RGS7: variants seen among roughly 807,000 people sequenced by gnomAD.
RGS7 encodes regulator of G-protein signaling 7.
In RGS7, 27 loss-of-function variants were observed where a neutral mutation model predicts 81.1. That is an observed-to-expected ratio of 0.33 (90% CI 0.25 to 0.46). The LOEUF (loss-of-function observed/expected upper bound fraction) is 0.46. Ranked by LOEUF, RGS7 falls within the 20% of genes least tolerant of loss-of-function variation. The pLI is 1.00. For synonymous variants in RGS7, 208 were observed against 207.7 expected (o/e 1.00, Z -0.01); for missense variants, 396 against 607.4 (o/e 0.65, Z 3.66).
intron 6 of RGS7, chr1:240,920,427 T>C (rs1273605929): frequency 3.1e-6 from 4 of 1,294,168 alleles, no homozygotes; most frequent in Non-Finnish European, 4.4e-6. Flanking sequence ...TGGTGGAAGC[T>C]ACAATGATTT....
At chr1:241,040,932 T>C (rs1171264523) in intron 3 of RGS7, among the ~76,000 whole-genome samples, 4 of 152,190 alleles carry the variant, frequency 2.6e-5, no homozygotes, top group African/African-American at 9.7e-5. Context: ...CACGTGCAAC[T>C]CCCTCTCATG....
At chr1:240,906,409 A>G (rs536929795) in intron 6 of RGS7, among the ~76,000 whole-genome samples, 1 of 152,270 alleles carries the variant, frequency 6.6e-6, no homozygotes, top group South Asian at 2.1e-4. Flanking sequence ...AGAGTGTTTC[A>G]TCTCGTGGTA....
intron 6 of RGS7, among the ~76,000 whole-genome samples, chr1:240,871,133 C>T (rs1338938399): frequency 6.6e-6 from 1 of 152,154 alleles, no homozygotes; most frequent in Non-Finnish European, 1.5e-5. Flanking sequence ...CTGGTAGAGT[C>T]CCAATTGCCA....
At chr1:240,792,061 A>T (rs1042751924) in intron 18 of RGS7, among the ~76,000 whole-genome samples, 1 of 152,138 alleles carries the variant, frequency 6.6e-6, no homozygotes, top group Non-Finnish European at 1.5e-5. Context: ...ATTTTGTACC[A>T]TAATATGAGA....
chr1:240,854,074 T>A (rs190801310), intron 9 of RGS7, among the ~76,000 whole-genome samples: 3 of 152,220 alleles, frequency 2.0e-5, no homozygotes, highest in Non-Finnish European at 4.4e-5. Context: ...CATATACATT[T>A]TTGAGGCTGA....
intron 2 of RGS7, among the ~76,000 whole-genome samples, chr1:241,238,950 G>A (rs1303605008): frequency 7.0e-6 from 1 of 142,998 alleles, no homozygotes; most frequent in Admixed American, 7.2e-5. Context: ...TCTCCAAATA[G>A]CTATTGCCTC....
chr1:241,045,723 A>G (rs2060890333), intron 3 of RGS7, among the ~76,000 whole-genome samples: 1 of 152,174 alleles, frequency 6.6e-6, no homozygotes, highest in East Asian at 1.9e-4. Flanking sequence ...TTGCCCAAAC[A>G]TAAAATGGGT....
intron 3 of RGS7, among the ~76,000 whole-genome samples, chr1:241,047,733 C>CA (rs2061009793): frequency 3.4e-5 from 3 of 89,516 alleles, no homozygotes; most frequent in Non-Finnish European, 6.2e-5. Context: ...GTTTACAATC[C>CA]TTTTTTTTTT....
At chr1:240,807,623 G>A (rs915706870) in intron 14 of RGS7, among the ~76,000 whole-genome samples, 1 of 152,110 alleles carries the variant, frequency 6.6e-6, no homozygotes, top group East Asian at 1.9e-4. Flanking sequence ...ATGTAGCAGA[G>A]GATAATCTAA....
chr1:241,109,624 G>C (rs567989493), intron 2 of RGS7, among the ~76,000 whole-genome samples: 1 of 151,960 alleles, frequency 6.6e-6, no homozygotes, highest in Non-Finnish European at 1.5e-5. Context: ...CCAACAGGAC[G>C]TATTACTTTT....
chr1:241,071,574 C>T (rs746278150), intron 3 of RGS7, among the ~76,000 whole-genome samples: 1 of 150,194 alleles, frequency 6.7e-6, no homozygotes, highest in Non-Finnish European at 1.5e-5. Context: ...AGTCACTTTA[C>T]TGTAAAATGA....
chr1:240,838,233 T>G (rs1002660807), intron 9 of RGS7, among the ~76,000 whole-genome samples: 6 of 152,198 alleles, frequency 3.9e-5, no homozygotes, highest in Middle Eastern at 3.2e-3. Context: ...TGCTGTTTCC[T>G]CACATGGTGG....
chr1:241,148,252 T>C (rs1183715433), intron 2 of RGS7, among the ~76,000 whole-genome samples: 2 of 151,942 alleles, frequency 1.3e-5, no homozygotes, highest in Non-Finnish European at 2.9e-5. Context: ...AATTTTGTCA[T>C]GTTGGCCAGG....
chr1:240,999,824 A>G (rs1184766042), intron 3 of RGS7, among the ~76,000 whole-genome samples: 1 of 152,012 alleles, frequency 6.6e-6, no homozygotes, highest in Non-Finnish European at 1.5e-5. Context: ...GCTGTTCCCA[A>G]ACTCTTGGCC....
chr1:241,259,850 T>C (rs1472921745), intron 2 of RGS7, among the ~76,000 whole-genome samples: 1 of 151,592 alleles, frequency 6.6e-6, no homozygotes, highest in Non-Finnish European at 1.5e-5. Context: ...TATACTTAAT[T>C]GGCACAGTTT....
intron 2 of RGS7, among the ~76,000 whole-genome samples, chr1:241,189,162 T>C (rs749488611): frequency 2.6e-5 from 4 of 152,150 alleles, no homozygotes; most frequent in Non-Finnish European, 4.4e-5. Flanking sequence ...TTGTTTATTT[T>C]TTTGTACAGA....
intron 2 of RGS7, among the ~76,000 whole-genome samples, chr1:241,207,347 G>A (rs1197259820): frequency 1.1e-5 from 1 of 91,318 alleles, no homozygotes; most frequent in African/African-American, 3.4e-5. Context: ...ACTTTAAAAT[G>A]CATATATATA....
chr1:241,035,340 A>G (rs2148745221), intron 3 of RGS7, among the ~76,000 whole-genome samples: 1 of 131,706 alleles, frequency 7.6e-6, no homozygotes, highest in Admixed American at 8.6e-5. Context: ...TTCTCCAGGT[A>G]TATAAACAGC....
rs149888188 is a variant in RGS7, at chr1:241,138,961, A to T, written c.79-40199T>A. The stretch of plus-strand genomic sequence containing the variant: ...TCAGTAACACTCAATTCCAGGACCA[A>T]CGAGAAGGGAGACATTATAAAAAAT... On this transcript the variant is annotated intron_variant, in intron 2 of 18. Transcript: ENST00000440928. Among the ~76,000 whole-genome samples, 820 of 152,236 alleles carry T rather than the reference A, an allele frequency of 5.4e-3. 11 individuals carry two copies. Among genetic ancestry groups the T allele is most frequent in the African/African-American group, 0.019 (792 of 41,538 alleles).
Sources: allele counts gnomAD v4.1 joint callset (sites outside exome capture counted in the v4.1 genomes callset), GRCh38; gene constraint gnomAD v4.1.1; transcripts MANE v1.5; gene names NCBI Gene and HGNC (gene_info 2026-07-23, HGNC 2026-07-21).